Variants in AGBL4 observed in about 807,000 individuals in gnomAD.
The protein encoded by AGBL4 is AGBL carboxypeptidase 4, also known as cytosolic carboxypeptidase 6.
A neutral mutation model predicts 66.4 loss-of-function variants in AGBL4; 58 were observed. The observed-to-expected ratio is 0.87, with a 90% CI of 0.71 to 1.09. The LOEUF is 1.09. Ranked by LOEUF, AGBL4 falls within the 50% of genes least tolerant of loss-of-function variation. AGBL4 has a pLI of 0.00. For synonymous variants in AGBL4, 234 were observed against 222.9 expected, an observed-to-expected ratio of 1.05 and a Z score of -0.44; for missense variants, 579 against 631.0, an observed-to-expected ratio of 0.92 and a Z score of 0.88.
intron 3 of AGBL4, among the ~76,000 whole-genome samples, chr1:49,499,011 C>T (rs1453760380): frequency 6.6e-6 from 1 of 152,054 alleles, no homozygotes; most frequent in African/African-American, 2.4e-5. Context: ...ATATTGGCCT[C>T]TAATTTTCTT....
intron 3 of AGBL4, among the ~76,000 whole-genome samples, chr1:49,352,366 C>CTTT (rs35699154): frequency 0.052 from 4,282 of 82,844 alleles, 6 homozygotes; most frequent in Non-Finnish European, 0.074. Context: ...TGAATTGAAG[C>CTTT]TTTTTTTTTT....
At chr1:49,762,225 T>A (rs900913575) in intron 2 of AGBL4, among the ~76,000 whole-genome samples, 1 of 152,152 alleles carries the variant, frequency 6.6e-6, no homozygotes, top group Non-Finnish European at 1.5e-5. Flanking sequence ...TTTCTCCACA[T>A]CCTCACTAGC....
intron 2 of AGBL4, among the ~76,000 whole-genome samples, chr1:49,749,079 G>T (rs897395913): frequency 6.6e-6 from 1 of 152,124 alleles, no homozygotes; most frequent in South Asian, 2.1e-4. Flanking sequence ...TGAAGTCTTT[G>T]CCCATGCCTA....
At chr1:48,772,416 C>T (rs1378187563) in intron 6 of AGBL4, among the ~76,000 whole-genome samples, 1 of 152,182 alleles carries the variant, frequency 6.6e-6, no homozygotes, top group Non-Finnish European at 1.5e-5. Context: ...TGTAGGTGAG[C>T]TCCTTGCAGG....
chr1:48,804,958 G>A (rs867136877), intron 6 of AGBL4, among the ~76,000 whole-genome samples: 2 of 152,262 alleles, frequency 1.3e-5, no homozygotes, highest in Middle Eastern at 3.4e-3. Flanking sequence ...AACAAACTCT[G>A]GTTGGTTGGG....
At chr1:49,538,407 A>C (rs1651765692) in intron 3 of AGBL4, among the ~76,000 whole-genome samples, 1 of 152,244 alleles carries the variant, frequency 6.6e-6, no homozygotes, top group Non-Finnish European at 1.5e-5. Flanking sequence ...TGAGAAGGTG[A>C]TGAGAAATTA....
chr1:49,699,610 A>C (rs998843427), intron 2 of AGBL4, among the ~76,000 whole-genome samples: 1 of 152,074 alleles, frequency 6.6e-6, no homozygotes, highest in East Asian at 1.9e-4. Flanking sequence ...CCTGGAGTAC[A>C]TTATGCTAAG....
rs1644465038 is a variant in AGBL4, at chr1:49,376,023, AG to A, written c.283-130160del. Among the ~76,000 whole-genome samples the A allele has an allele frequency of 3.3e-5, 5 of 152,266 alleles. No individual in the cohort carries two copies. The South Asian group carries it at 1.0e-3, about 32-fold the overall frequency. On this transcript the variant is annotated intron_variant, in intron 3 of 13. Coordinates refer to ENST00000371839, the MANE Select transcript of AGBL4 (RefSeq NM_032785.4). ...TCTGTGTTATTTCTTTGATTCCTTC[AG>A]CAATGTCTGCCTGTATATTGTATGA...
At chr1:48,874,901 G>A (rs1649069664) in intron 5 of AGBL4, among the ~76,000 whole-genome samples, 1 of 152,084 alleles carries the variant, frequency 6.6e-6, no homozygotes, top group South Asian at 2.1e-4. Context: ...TCCAACCTTG[G>A]CTCCTGCCCT....
At chr1:49,637,757 T>A (rs572353144) in intron 3 of AGBL4, among the ~76,000 whole-genome samples, 1 of 151,010 alleles carries the variant, frequency 6.6e-6, no homozygotes, top group Non-Finnish European at 1.5e-5. Context: ...AATTAAAAAA[T>A]AAAAAAAAAT....
At chr1:49,817,560 T>C (rs562418690) in intron 2 of AGBL4, among the ~76,000 whole-genome samples, 1 of 152,338 alleles carries the variant, frequency 6.6e-6, no homozygotes, top group South Asian at 2.1e-4. Flanking sequence ...AATTATTTAT[T>C]CTATTCCTAA....
At chr1:49,950,811 A>T (rs1376775862) in intron 1 of AGBL4, among the ~76,000 whole-genome samples, 1 of 151,880 alleles carries the variant, frequency 6.6e-6, no homozygotes, top group African/African-American at 2.4e-5. Flanking sequence ...TATTTACAAT[A>T]GTCAAAATAT....
At chr1:49,965,681 A>G (rs1026790855) in intron 1 of AGBL4, among the ~76,000 whole-genome samples, 3 of 152,214 alleles carry the variant, frequency 2.0e-5, no homozygotes, top group Non-Finnish European at 4.4e-5. Context: ...TCAGATAACT[A>G]TGATGTCATT....
intron 2 of AGBL4, among the ~76,000 whole-genome samples, chr1:49,825,761 C>T (rs907158000): frequency 6.6e-6 from 1 of 152,044 alleles, no homozygotes; most frequent in Non-Finnish European, 1.5e-5. Flanking sequence ...ACTGGCTCTT[C>T]CCTGGATCTC....
intron 3 of AGBL4, among the ~76,000 whole-genome samples, chr1:49,671,798 C>A (rs1646481021): frequency 6.6e-6 from 1 of 152,096 alleles, no homozygotes; most frequent in African/African-American, 2.4e-5. Context: ...CATCTCATAC[C>A]AGTCAAAATG....
chr1:49,982,417 C>A (rs769947615), intron 1 of AGBL4, among the ~76,000 whole-genome samples: 1 of 152,232 alleles, frequency 6.6e-6, no homozygotes, highest in Admixed American at 6.5e-5. Flanking sequence ...TGGCCCCCTG[C>A]AGACTTTGGG....
At chr1:49,358,217 A>G (rs1451282022) in intron 3 of AGBL4, among the ~76,000 whole-genome samples, 1 of 152,164 alleles carries the variant, frequency 6.6e-6, no homozygotes, top group Non-Finnish European at 1.5e-5. Flanking sequence ...ATCTAATCAA[A>G]TAATAAAAGC....
intron 6 of AGBL4, chr1:48,759,482 C>T (rs1043842770): frequency 1.6e-5 from 18 of 1,114,844 alleles, no homozygotes; most frequent in East Asian, 5.6e-5. Context: ...AATGGGGTTC[C>T]GAGTGGGGAA....
intron 3 of AGBL4, among the ~76,000 whole-genome samples, chr1:49,498,324 C>T (rs1012469446): frequency 3.3e-5 from 5 of 151,834 alleles, no homozygotes; most frequent in African/African-American, 1.2e-4. Flanking sequence ...AACAATTTAG[C>T]TTCTCCCTTT....
Sources: gnomAD v4.1 joint callset for allele counts (sites outside exome capture counted in the v4.1 genomes callset) on GRCh38, gnomAD v4.1.1 for gene constraint, MANE v1.5 for transcripts, NCBI Gene and HGNC (gene_info 2026-07-23, HGNC 2026-07-21) for gene names.